The following CDH4 variants were observed in gnomAD, a reference collection of about 807,000 sequenced individuals.
CDH4 encodes the protein cadherin-4.
A neutral mutation model predicts 86.0 loss-of-function variants in CDH4; 33 were observed. The observed-to-expected ratio is 0.38, with a 90% CI of 0.29 to 0.51. CDH4 has a LOEUF of 0.51. Among genes scored for constraint, CDH4 ranks in the 20% least tolerant of loss-of-function variants. The pLI is 0.86. For missense variants in CDH4, 1,114 were observed against 1,307.4 expected, an observed-to-expected ratio of 0.85 and a Z score of 2.28; for synonymous variants, 555 against 549.4, an observed-to-expected ratio of 1.01 and a Z score of -0.14.
rs182583889 is a variant in CDH4 at position 61,931,891 on chromosome 20, G to A, written c.2240-1094G>A. 5.3e-5 allele frequency among the ~76,000 whole-genome samples: 8 copies of A among 152,230 alleles called. No homozygotes were observed. In the East Asian group the frequency reaches 1.5e-3, roughly 29 times the overall value. ...AATTTCCACATGCACCTGAACTTCT[G>A]AGCCTGTACCCCAATTCCTTTGAGT... On this transcript the variant is annotated intron_variant, in intron 13 of 15. Transcript: ENST00000614565.
chr20:61,257,308 A>G (rs1442217285), intron 2 of CDH4, among the ~76,000 whole-genome samples: 7 of 152,240 alleles, frequency 4.6e-5, no homozygotes, highest in Non-Finnish European at 1.0e-4. Context: ...TAACTTGTTT[A>G]TGATAAATGG....
chr20:61,383,453 A>G (rs1274952116), intron 2 of CDH4, among the ~76,000 whole-genome samples: 1 of 33,882 alleles, frequency 3.0e-5, no homozygotes, highest in Non-Finnish European at 5.6e-5. Context: ...ATATATTCAT[A>G]TATATGAAGA....
At chr20:61,605,674 G>T (rs1016519110) in intron 2 of CDH4, among the ~76,000 whole-genome samples, 3 of 151,710 alleles carry the variant, frequency 2.0e-5, no homozygotes. Context: ...TTTCTGGCTT[G>T]TTCTCATTCA....
At chr20:61,563,202 G>A (rs115088076) in intron 2 of CDH4, among the ~76,000 whole-genome samples, 2,704 of 152,360 alleles carry the variant, frequency 0.018, 70 homozygotes, top group African/African-American at 0.061. Flanking sequence ...ACTGCCCAGC[G>A]GCAGCTCTGC....
chr20:61,668,236 G>A (rs1324579134), intron 2 of CDH4, among the ~76,000 whole-genome samples: 1 of 152,198 alleles, frequency 6.6e-6, no homozygotes, highest in African/African-American at 2.4e-5. Context: ...GGGAGGAGCT[G>A]GAAGCTGTAG....
At chr20:61,857,585 G>C (rs929796668) in intron 6 of CDH4, among the ~76,000 whole-genome samples, 1 of 152,274 alleles carries the variant, frequency 6.6e-6, no homozygotes, top group African/African-American at 2.4e-5. Flanking sequence ...GCCTGGCTTC[G>C]CAGCCCTCAC....
At chr20:61,407,986 C>T (rs1476573386) in intron 2 of CDH4, among the ~76,000 whole-genome samples, 1 of 152,168 alleles carries the variant, frequency 6.6e-6, no homozygotes, top group Non-Finnish European at 1.5e-5. Context: ...AGAGAATTCT[C>T]TTACTGAAAG....
intron 4 of CDH4, among the ~76,000 whole-genome samples, chr20:61,820,568 A>C (rs1268786838): frequency 6.6e-6 from 1 of 152,220 alleles, no homozygotes; most frequent in East Asian, 1.9e-4. Flanking sequence ...GCACCCGCTG[A>C]GCAGAGGGGA....
chr20:61,554,639 C>A (rs537080984), intron 2 of CDH4, among the ~76,000 whole-genome samples: 1 of 152,208 alleles, frequency 6.6e-6, no homozygotes, highest in Non-Finnish European at 1.5e-5. Context: ...GCCTGGGAGC[C>A]GCAACCAGTG....
intron 4 of CDH4, among the ~76,000 whole-genome samples, chr20:61,804,337 G>A (rs1980006331): frequency 6.6e-6 from 1 of 152,210 alleles, no homozygotes; most frequent in Admixed American, 6.5e-5. Flanking sequence ...GCGGGTAGAA[G>A]TGACAGGAGA....
At chr20:61,778,437 TG>T (rs1022146518) in intron 4 of CDH4, among the ~76,000 whole-genome samples, 1 of 152,132 alleles carries the variant, frequency 6.6e-6, no homozygotes, top group Non-Finnish European at 1.5e-5. Context: ...GCTTTTTCCT[TG>T]GAAGGAATAT....
intron 8 of CDH4, among the ~76,000 whole-genome samples, chr20:61,901,902 T>A (rs969499356): frequency 2.0e-5 from 3 of 152,200 alleles, no homozygotes; most frequent in African/African-American, 7.2e-5. Flanking sequence ...GGCACCACTG[T>A]CCGTCAGAGG....
chr20:61,691,461 A>G (rs936615117), intron 2 of CDH4, among the ~76,000 whole-genome samples: 1 of 151,880 alleles, frequency 6.6e-6, no homozygotes, highest in African/African-American at 2.4e-5. Context: ...ATGTGTGTGC[A>G]TGTGTAGTGT....
chr20:61,548,838 C>T (rs1368375011), intron 2 of CDH4, among the ~76,000 whole-genome samples: 1 of 152,120 alleles, frequency 6.6e-6, no homozygotes, highest in East Asian at 1.9e-4. Flanking sequence ...GAAGAATTGG[C>T]AGGTGATTGG....
chr20:61,275,145 G>T (rs1340539625), intron 2 of CDH4, among the ~76,000 whole-genome samples: 1 of 139,124 alleles, frequency 7.2e-6, no homozygotes, highest in Non-Finnish European at 1.5e-5. Context: ...GTGCAGTTTG[G>T]GGGAGTATTG....
chr20:61,851,926 C>T (rs1338707588), intron 5 of CDH4, among the ~76,000 whole-genome samples: 1 of 152,264 alleles, frequency 6.6e-6, no homozygotes, highest in Non-Finnish European at 1.5e-5. Flanking sequence ...TCCAGCCCAG[C>T]ACCTGCCATT....
At chr20:61,661,084 C>G (rs868463257) in intron 2 of CDH4, among the ~76,000 whole-genome samples, 580 of 74,492 alleles carry the variant, frequency 7.8e-3, no homozygotes, top group Non-Finnish European at 8.3e-3. Context: ...GGAGGCATGG[C>G]GGGGGGGGGG....
rs921873824 is a variant in CDH4, at chr20:61,252,628, C to T, written c.57+58C>T. On this transcript the variant is annotated intron_variant, in intron 1 of 15. Transcript: ENST00000614565. The surrounding 1 kb of genome is among the most constrained non-coding windows in gnomAD (Gnocchi z 4.4). ...AAGCCCCGGGCAGCGGGAGGTCGTC[C>T]CCGGATCCCGCGGGGCGCTCACACA... 2.8e-6 allele frequency: 3 copies of T among 1,068,824 alleles called. No individual in the cohort carries two copies. The highest frequency in any genetic ancestry group is 3.5e-6 in the Non-Finnish European group (3 of 849,870). 66.2% of individuals were successfully genotyped at this position (1,068,824 alleles called of 1,614,324 possible).
intron 2 of CDH4, among the ~76,000 whole-genome samples, chr20:61,349,270 C>A (rs1403482350): frequency 6.6e-6 from 1 of 152,176 alleles, no homozygotes; most frequent in African/African-American, 2.4e-5. Flanking sequence ...GCTCCGTAGC[C>A]GTGGAGTTGG....
Sources: allele counts gnomAD v4.1 joint callset (sites outside exome capture counted in the v4.1 genomes callset), GRCh38; gene constraint gnomAD v4.1.1; non-coding constraint Gnocchi (gnomAD v3.1); transcripts MANE v1.5; gene names NCBI Gene and HGNC (gene_info 2026-07-23, HGNC 2026-07-21).